SLC44A3: variants seen among roughly 807,000 people sequenced by gnomAD.
SLC44A3 encodes the protein solute carrier family 44 member 3.
In SLC44A3, 74 loss-of-function variants were observed where a neutral mutation model predicts 75.4. The ratio of observed to expected loss-of-function variants is 0.98; its 90% CI spans 0.81 to 1.19. The LOEUF is 1.19. Among genes scored for constraint, SLC44A3 ranks in the 50% most tolerant of loss-of-function variants. The pLI is 0.00. For missense variants in SLC44A3, 700 were observed against 778.6 expected (o/e 0.90, Z 1.20); for synonymous variants, 310 against 296.9 (o/e 1.04, Z -0.45).
intron 12 of SLC44A3, chr1:94,888,747 T>TTTTTTTTTTTTTGG (rs1571475497): frequency 1.0e-6 from 1 of 980,706 alleles, no homozygotes; most frequent in Non-Finnish European, 1.2e-6. Context: ...CTTTTTTTTT[T>TTTTTTTTTTTTTGG]GAGGCGGAGT....
At chr1:94,859,498 G>T (rs1195475209) in intron 10 of SLC44A3, among the ~76,000 whole-genome samples, 3 of 152,192 alleles carry the variant, frequency 2.0e-5, no homozygotes, top group Non-Finnish European at 4.4e-5. Flanking sequence ...GCATGAGGAG[G>T]ACAAATAAGA....
At chr1:94,841,197 C>T (rs990361478) in intron 7 of SLC44A3, among the ~76,000 whole-genome samples, 5 of 152,218 alleles carry the variant, frequency 3.3e-5, no homozygotes, top group African/African-American at 1.2e-4. Context: ...TATCTAAACA[C>T]ATCTAAGCAC....
intron 12 of SLC44A3, among the ~76,000 whole-genome samples, chr1:94,873,944 C>T (rs1018260914): frequency 3.3e-5 from 5 of 152,202 alleles, no homozygotes; most frequent in Non-Finnish European, 4.4e-5. Context: ...GACAGCCATT[C>T]TTTCAGTGAC....
At chr1:94,867,062 C>T (rs1001647679) in intron 11 of SLC44A3, among the ~76,000 whole-genome samples, 1 of 151,740 alleles carries the variant, frequency 6.6e-6, no homozygotes, top group Non-Finnish European at 1.5e-5. Context: ...TTACTGGAAC[C>T]AGAAGGCCTG....
At chr1:94,860,446 G>A (rs1238906226) in intron 10 of SLC44A3, among the ~76,000 whole-genome samples, 13 of 152,074 alleles carry the variant, frequency 8.5e-5, no homozygotes, top group Admixed American at 1.3e-4. Flanking sequence ...ACAGAACAAA[G>A]AAAAGAAGAA....
At chr1:94,854,756 G>A (rs1665658413) in intron 9 of SLC44A3, among the ~76,000 whole-genome samples, 1 of 136,758 alleles carries the variant, frequency 7.3e-6, no homozygotes, top group South Asian at 2.4e-4. Flanking sequence ...CCCCTGATAT[G>A]GCATTTGGCA....
chr1:94,888,471 T>C (rs1027368564), intron 12 of SLC44A3, among the ~76,000 whole-genome samples: 1 of 152,144 alleles, frequency 6.6e-6, no homozygotes, highest in South Asian at 2.1e-4. Flanking sequence ...CCCAAGATGA[T>C]TGAAGATGCC....
intron 14 of SLC44A3, among the ~76,000 whole-genome samples, chr1:94,894,243 C>A (rs1045530791): frequency 7.2e-5 from 11 of 152,326 alleles, no homozygotes; most frequent in Admixed American, 6.5e-4. Flanking sequence ...GAAATTGATA[C>A]TCCATAATAT....
intron 1 of SLC44A3, 50 bp downstream of exon 1, chr1:94,820,528 C>A: frequency 6.8e-7 from 1 of 1,480,532 alleles, no homozygotes; most frequent in Non-Finnish European, 9.0e-7. Context: ...GGGGAAGGGT[C>A]GAGTCCCCCG....
At chr1:94,894,690 A>T in intron 14 of SLC44A3, 128 bp from the exon 15 acceptor site, 1 of 691,462 alleles carries the variant, frequency 1.4e-6, no homozygotes, top group Non-Finnish European at 2.5e-6. Context: ...TTCTCCTGTT[A>T]ATCTGCCTTT....
At chr1:94,864,358 A>C (rs1316201026) in intron 10 of SLC44A3, among the ~76,000 whole-genome samples, 1 of 152,136 alleles carries the variant, frequency 6.6e-6, no homozygotes, top group Admixed American at 6.5e-5. Context: ...CACCAGGTGA[A>C]TGCTGGCAAT....
At chr1:94,839,902 A>T (rs2101043303) in intron 6 of SLC44A3, 46 bp from the exon 7 acceptor site, 2 of 1,396,604 alleles carry the variant, frequency 1.4e-6, no homozygotes, top group South Asian at 2.3e-5. Context: ...CATCTCCCCT[A>T]TCCTTTGTTG....
At chr1:94,832,601 AG>A (rs906078063) in intron 5 of SLC44A3, among the ~76,000 whole-genome samples, 1 of 152,156 alleles carries the variant, frequency 6.6e-6, no homozygotes, top group African/African-American at 2.4e-5. Context: ...GCAATTCCCA[AG>A]GCTTCTCTGG....
intron 8 of SLC44A3, among the ~76,000 whole-genome samples, chr1:94,844,706 T>C (rs1371806985): frequency 6.6e-6 from 1 of 152,048 alleles, no homozygotes; most frequent in Non-Finnish European, 1.5e-5. Context: ...AAGAATGAGT[T>C]GGGGTATGGA....
chr1:94,850,016 G>A (rs971415087), intron 9 of SLC44A3, among the ~76,000 whole-genome samples: 1 of 152,134 alleles, frequency 6.6e-6, no homozygotes, highest in Admixed American at 6.5e-5. Context: ...CCAAGGTTTT[G>A]GGATTATAGG....
intron 10 of SLC44A3, among the ~76,000 whole-genome samples, chr1:94,863,918 A>T (rs960019750): frequency 6.6e-6 from 1 of 152,236 alleles, no homozygotes; most frequent in Admixed American, 6.5e-5. Context: ...ATAATCCATT[A>T]TAAAGAAACC....
At chr1:94,843,237 G>A (rs978988153) in intron 8 of SLC44A3, 1 of 152,572 alleles carries the variant, frequency 6.6e-6, no homozygotes, top group African/African-American at 2.4e-5. Flanking sequence ...AGGGAGAGGG[G>A]AGGCCATGTG....
chr1:94,890,881 A>G (rs1670129324), intron 12 of SLC44A3, among the ~76,000 whole-genome samples: 2 of 152,202 alleles, frequency 1.3e-5, no homozygotes, highest in Non-Finnish European at 2.9e-5. Flanking sequence ...TTTACCCATC[A>G]TTTCCACATG....
At position 94,880,861 on chromosome 1, in the gene SLC44A3, G is replaced by A. The variant is rs371793590; in HGVS notation, c.1483-10269G>A. Among the ~76,000 whole-genome samples, 20 of 150,860 alleles carry A rather than the reference G, an allele frequency of 1.3e-4. 1 individual carries two copies. The highest frequency in any genetic ancestry group is 7.9e-4 in the Admixed American group (12 of 15,104). On this transcript the variant is annotated intron_variant, in intron 12 of 14. Transcript: ENST00000271227. ...ACTACTGAACTCTACAGTTAAAAGC[G>A]GCTAAGATGGTAAATGAATGTTCTA...
Sources: gnomAD v4.1 joint callset for allele counts (sites outside exome capture counted in the v4.1 genomes callset) on GRCh38, gnomAD v4.1.1 for gene constraint, MANE v1.5 for transcripts, NCBI Gene and HGNC (gene_info 2026-07-23, HGNC 2026-07-21) for gene names.